Variants in FAP observed in about 807,000 individuals in gnomAD.
FAP encodes prolyl endopeptidase FAP.
A neutral mutation model predicts 126.5 loss-of-function variants in FAP; 110 were observed. The observed-to-expected ratio is 0.87, with a 90% confidence interval of 0.74 to 1.02. The LOEUF is 1.02. Among genes scored for constraint, FAP ranks in the 50% least tolerant of loss-of-function variants. The pLI, the probability that FAP is intolerant of heterozygous loss-of-function variation, is 0.00. For synonymous variants in FAP, 334 were observed against 297.3 expected (o/e 1.12, Z -1.27); for missense variants, 919 against 909.2 (o/e 1.01, Z -0.14).
intron 21 of FAP, chr2:162,176,526 G>C (rs1396425741): frequency 6.6e-6 from 1 of 152,102 alleles, no homozygotes; most frequent in Non-Finnish European, 1.5e-5. Context: ...TCTCTGTCTG[G>C]TTTAAACTTT....
intron 17 of FAP, among the ~76,000 whole-genome samples, chr2:162,193,225 C>A (rs1326585751): frequency 1.3e-5 from 2 of 152,100 alleles, no homozygotes; most frequent in African/African-American, 4.8e-5. Flanking sequence ...ATACAAATTT[C>A]CAAGCATAAC....
chr2:162,198,718 C>T, intron 16 of FAP, 39 bp downstream of exon 16: 2 of 1,611,192 alleles, frequency 1.2e-6, no homozygotes, highest in Non-Finnish European at 1.7e-6. Flanking sequence ...ACAACCATGC[C>T]TGTGGGGATG....
chr2:162,218,566 T>A (rs908735255), intron 8 of FAP, among the ~76,000 whole-genome samples: 9 of 91,798 alleles, frequency 9.8e-5, no homozygotes, highest in Middle Eastern at 5.9e-3. Context: ...TTAGTTTAGA[T>A]AGATAGATAG....
rs999486506 is a variant in FAP at position 162,174,938 on chromosome 2, G to T, written c.1898C>A (p.Ala633Asp). 22 of 1,612,462 alleles carry T rather than the reference G, an allele frequency of 1.4e-5. No individual in the cohort carries two copies. Among genetic ancestry groups the T allele is most frequent in the Non-Finnish European group, 1.9e-5 (22 of 1,178,938 alleles). ...WSYGGYVSSL[A>D]LASGTGLFKC... ...GAAAAGACCAGTTCCAGATGCAAGG[G>T]CCAGTGATGAAACGTATCCTCCATA... Residue 633 changes from alanine to aspartate, a missense_variant, in exon 22 of 26, where the codon GCC (alanine) becomes GAC (aspartate). Physicochemically the swap from Ala to Asp is moderately radical, Grantham distance 126. Coordinates refer to ENST00000188790, the MANE Select transcript of FAP (RefSeq NM_004460.5).
chr2:162,227,423 C>T (rs1268179827), intron 2 of FAP, among the ~76,000 whole-genome samples: 2 of 152,048 alleles, frequency 1.3e-5, no homozygotes, highest in African/African-American at 4.8e-5. Context: ...ATTACAGAGC[C>T]CTGAAGCAGT....
chr2:162,206,533 A>G (rs1323110027), intron 12 of FAP, among the ~76,000 whole-genome samples: 1 of 152,130 alleles, frequency 6.6e-6, no homozygotes, highest in Non-Finnish European at 1.5e-5. Flanking sequence ...TTTTTTTTGA[A>G]CCAAGGGATT....
intron 20 of FAP, among the ~76,000 whole-genome samples, chr2:162,184,196 T>C (rs959096299): frequency 1.3e-5 from 2 of 152,140 alleles, no homozygotes; most frequent in Admixed American, 6.6e-5. Context: ...TTGTGATTTA[T>C]CTGGGGATTG....
chr2:162,197,703 T>G (rs1260972113), intron 16 of FAP: 1 of 454,650 alleles, frequency 2.2e-6, no homozygotes, highest in Non-Finnish European at 4.4e-6. Flanking sequence ...GTAGCCTTCA[T>G]TCTGGTTCCC....
intron 21 of FAP, among the ~76,000 whole-genome samples, chr2:162,181,913 C>T (rs2106220192): frequency 6.6e-6 from 1 of 152,344 alleles, no homozygotes; most frequent in South Asian, 2.1e-4. Flanking sequence ...TCTTTATCCA[C>T]ATACTAGTTC....
rs13422258 is a variant in FAP, at chr2:162,243,414, C to A, written c.-87G>T. 2,655 of 1,546,162 alleles carry A rather than the reference C, an allele frequency of 1.7e-3. 47 individuals carry two copies. In the African/African-American group the frequency reaches 0.034, roughly 20 times the overall value. ...TGAAAACCGTTGAAAAGGACCAAGT[C>A]TGTCTTTGTAGTTGGAAGCTGAAGC... On this transcript the variant is annotated 5_prime_UTR_variant, in exon 1 of 26. Transcript: ENST00000188790.
chr2:162,181,292 T>TA (rs1016009659), intron 21 of FAP, among the ~76,000 whole-genome samples: 6 of 151,354 alleles, frequency 4.0e-5, no homozygotes, highest in South Asian at 2.1e-4. Flanking sequence ...AGAAAAAAAA[T>TA]AAAAAAGGTG....
intron 17 of FAP, among the ~76,000 whole-genome samples, chr2:162,193,081 C>T (rs1576150711): frequency 6.6e-6 from 1 of 152,222 alleles, no homozygotes; most frequent in Middle Eastern, 3.4e-3. Flanking sequence ...GATCCAGGAC[C>T]TAGCACAGTG....
In FAP at chr2:162,242,960, G is replaced by A; in HGVS notation, c.39C>T (p.Thr13=). 3.7e-6 allele frequency: 6 copies of A among 1,613,074 alleles called. No individual in the cohort carries two copies. Among genetic ancestry groups the A allele is most frequent in the Non-Finnish European group, 5.1e-6 (6 of 1,179,384 alleles). ...TCACCAATAAGGCAAGCACAGCAGAGGTGGCAACTCCAAATACGATTTTTA... is the reference window on the plus strand; with the variant it reads ...TCACCAATAAGGCAAGCACAGCAGAAGTGGCAACTCCAAATACGATTTTTA... ...TWVKIVFGVA[T]SAVLALLVMC... Residue 13 remains threonine, a synonymous_variant, in exon 2 of 26, where the codon ACC becomes ACT. Transcript: ENST00000188790.
At chr2:162,227,560 C>A (rs1393782936) in intron 2 of FAP, among the ~76,000 whole-genome samples, 3 of 152,098 alleles carry the variant, frequency 2.0e-5, no homozygotes, top group African/African-American at 7.2e-5. Context: ...GATCCTATAC[C>A]TTGAATGCCA....
At chr2:162,191,082 G>A (rs1688023924) in intron 17 of FAP, among the ~76,000 whole-genome samples, 2 of 152,090 alleles carry the variant, frequency 1.3e-5, no homozygotes, top group Non-Finnish European at 2.9e-5. Context: ...CGTGGATTCT[G>A]TTTGTGGAGC....
Position 162,223,503 on chromosome 2 carries a change from A to C in FAP, c.413+105T>G. The C allele has an allele frequency of 5.3e-6, 4 of 750,982 alleles. No individual in the cohort carries two copies. In the South Asian group the frequency reaches 6.7e-5, roughly 13 times the overall value. The allele number at this position is 750,982 out of a possible 1,614,324, so 46.5% of individuals were successfully genotyped here. On this transcript the variant is annotated intron_variant, in intron 6 of 25. Transcript: ENST00000188790. ...CTGTATTACTAAAAAGTAAGAAACA[A>C]AGATCATTAAGAAGATAAAGTCTTC... is the stretch of plus-strand genomic sequence containing the variant.
At chr2:162,200,897 T>A (rs930365183) in intron 14 of FAP, among the ~76,000 whole-genome samples, 1 of 152,192 alleles carries the variant, frequency 6.6e-6, no homozygotes, top group African/African-American at 2.4e-5. Flanking sequence ...GGAAATTTTA[T>A]TAATATCATA....
chr2:162,211,049 T>C (rs1576172489), intron 11 of FAP, among the ~76,000 whole-genome samples: 1 of 152,180 alleles, frequency 6.6e-6, no homozygotes, highest in Non-Finnish European at 1.5e-5. Context: ...GGAAATGTAT[T>C]TCCCAGCCTT....
chr2:162,214,511 A>T (rs1204817865), intron 10 of FAP, among the ~76,000 whole-genome samples: 1 of 151,718 alleles, frequency 6.6e-6, no homozygotes, highest in Admixed American at 6.6e-5. Context: ...TTGGAAGCTA[A>T]GTTTTAGCTG....
Sources: gnomAD v4.1 joint callset for allele counts (sites outside exome capture counted in the v4.1 genomes callset) on GRCh38, gnomAD v4.1.1 for gene constraint, MANE v1.5 for transcripts, NCBI Gene and HGNC (gene_info 2026-07-23, HGNC 2026-07-21) for gene names.